ZNF33A: variants seen among roughly 807,000 people sequenced by gnomAD.
The protein encoded by ZNF33A is brain my041 protein.
ZNF33A carries 9 observed loss-of-function variants against 15.9 expected under a neutral mutation model. The observed-to-expected ratio is 0.57, with a 90% CI of 0.34 to 0.99. ZNF33A has a LOEUF of 0.99. Among genes scored for constraint, ZNF33A ranks in the 50% least tolerant of loss-of-function variants. The pLI, the probability that ZNF33A is intolerant of heterozygous loss-of-function variation, is 0.02. For missense variants in ZNF33A, 843 were observed against 941.6 expected (o/e 0.90, Z 1.37); for synonymous variants, 294 against 324.2 (o/e 0.91, Z 1.00).
intron 4 of ZNF33A, among the ~76,000 whole-genome samples, chr10:38,034,850 G>A (rs530275715): frequency 6.6e-6 from 1 of 152,258 alleles, no homozygotes; most frequent in East Asian, 1.9e-4. Context: ...AGGGGCTAAT[G>A]GTGTGCTTGC....
chr10:38,016,461 A>G (rs953189646), intron 2 of ZNF33A, among the ~76,000 whole-genome samples: 1 of 152,186 alleles, frequency 6.6e-6, no homozygotes, highest in Non-Finnish European at 1.5e-5. Flanking sequence ...CTTATGAAGA[A>G]CGTAATAGAG....
intron 4 of ZNF33A, among the ~76,000 whole-genome samples, chr10:38,034,716 ACTTT>A (rs1277142291): frequency 2.0e-5 from 3 of 152,166 alleles, no homozygotes; most frequent in Admixed American, 6.6e-5. Context: ...TTTTTAGAGC[ACTTT>A]CTTTCTGTCA....
intron 4 of ZNF33A, among the ~76,000 whole-genome samples, chr10:38,047,485 T>C (rs991962786): frequency 2.5e-4 from 38 of 150,676 alleles, no homozygotes; most frequent in African/African-American, 9.2e-4. Context: ...AAATTAGCTG[T>C]GCGTGGTGGC....
chr10:38,017,541 A>T, intron 4 of ZNF33A, 155 bp downstream of exon 4: 1 of 521,730 alleles, frequency 1.9e-6, no homozygotes, highest in Non-Finnish European at 3.4e-6. Flanking sequence ...CCTAAATCAA[A>T]CTTCCAGATA....
chr10:38,043,304 A>G (rs957608573), intron 4 of ZNF33A, among the ~76,000 whole-genome samples: 7 of 144,474 alleles, frequency 4.8e-5, no homozygotes, highest in African/African-American at 1.8e-4. Context: ...CAATAAGAAC[A>G]CATGGACACA....
In ZNF33A at chr10:38,022,370, A is replaced by C. The variant is rs117633827; in HGVS notation, c.250+4984A>C. Among the ~76,000 whole-genome samples the C allele has an allele frequency of 6.4e-3, 967 of 152,242 alleles. 61 individuals carry two copies. The East Asian group carries it at 0.13, about 20-fold the overall frequency. ...CAACTTTATGTTTATAAATATGACA[A>C]CATAGGCCAGGTGTGGTGGCTCATG... On this transcript the variant is annotated intron_variant, in intron 4 of 4. Transcript: ENST00000432900.
intron 4 of ZNF33A, among the ~76,000 whole-genome samples, chr10:38,025,941 C>A (rs908179225): frequency 2.4e-4 from 36 of 152,276 alleles, no homozygotes; most frequent in African/African-American, 8.4e-4. Context: ...ATTCCCCCCT[C>A]CTGCCAGCCT....
rs2066399664 is a variant in ZNF33A at position 38,055,029 on chromosome 10, A to T, written c.905A>T (p.Asp302Val). Residue 302 changes from aspartate to valine, a missense_variant, in exon 5 of 5, where the codon GAT becomes GTT. Physicochemically the swap from Asp to Val is radical, Grantham distance 152. Transcript: ENST00000432900. The stretch of plus-strand genomic sequence containing the variant: ...CATGGGGTATCTATGAAACACTATG[A>T]TTGTGGTGAAAGTGGGAATAATTTC... ...KPHGVSMKHYDCGESGNNFRR... is the reference protein window; with the variant it reads ...KPHGVSMKHYVCGESGNNFRR... 1 of 1,614,002 alleles carries T rather than the reference A, an allele frequency of 6.2e-7. No individual in the cohort carries two copies. The highest frequency in any genetic ancestry group is 1.1e-5 in the South Asian group (1 of 91,086).
chr10:38,012,086 G>T (rs1046539457), intron 1 of ZNF33A, among the ~76,000 whole-genome samples: 4 of 152,128 alleles, frequency 2.6e-5, no homozygotes, highest in African/African-American at 9.7e-5. Flanking sequence ...ACATAATTAT[G>T]TTGGAGTTAT....
At chr10:38,015,383 G>A (rs2064402880) in intron 2 of ZNF33A, among the ~76,000 whole-genome samples, 1 of 152,004 alleles carries the variant, frequency 6.6e-6, no homozygotes, top group Non-Finnish European at 1.5e-5. Flanking sequence ...TTGGCTCACT[G>A]CAACGTCTGC....
In ZNF33A at chr10:38,033,245, A is replaced by G. The variant is rs531755299; in HGVS notation, c.250+15859A>G. 2.5e-3 allele frequency among the ~76,000 whole-genome samples: 379 copies of G among 152,310 alleles called. 2 individuals are homozygous for G. Among genetic ancestry groups the G allele is most frequent in the African/African-American group, 7.8e-3 (326 of 41,568 alleles). On this transcript the variant is annotated intron_variant, in intron 4 of 4. Transcript: ENST00000432900. ...CTGCCTGGCTTCTTTTTCTTAGCAT[A>G]ACATATTCAAGGTTCATCCATGTTG...
At chr10:38,046,850 C>G (rs1198084490) in intron 4 of ZNF33A, among the ~76,000 whole-genome samples, 1 of 151,976 alleles carries the variant, frequency 6.6e-6, no homozygotes, top group Non-Finnish European at 1.5e-5. Flanking sequence ...AATCAGATTT[C>G]TAGAAATGAA....
chr10:38,035,177 G>A (rs2065392708), intron 4 of ZNF33A, among the ~76,000 whole-genome samples: 1 of 141,880 alleles, frequency 7.0e-6, no homozygotes, highest in Non-Finnish European at 1.5e-5. Flanking sequence ...GAGGGCAGTG[G>A]TGTGATCTCA....
intron 4 of ZNF33A, 60 bp downstream of exon 4, chr10:38,017,446 A>C: frequency 7.1e-7 from 1 of 1,409,560 alleles, no homozygotes; most frequent in African/African-American, 1.4e-5. Flanking sequence ...CCAGTAGTTA[A>C]TTCAGGGTTT....
At chr10:38,052,067 A>T (rs1222912717) in intron 4 of ZNF33A, among the ~76,000 whole-genome samples, 3 of 152,174 alleles carry the variant, frequency 2.0e-5, no homozygotes, top group Non-Finnish European at 4.4e-5. Flanking sequence ...AATATCAGGA[A>T]CATGACAAGG....
In ZNF33A at chr10:38,055,027, T is replaced by A. The variant is rs989343460; in HGVS notation, c.903T>A (p.Tyr301Ter). ...CTCATGGGGTATCTATGAAACACTA[T>A]GATTGTGGTGAAAGTGGGAATAATT... is the stretch of plus-strand genomic sequence containing the variant. ...SKPHGVSMKH[Y>*]DCGESGNNFR... Residue 301 changes from tyrosine to a stop codon, truncating the protein, a stop_gained, in exon 5 of 5, where the codon TAT becomes TAA. Coordinates refer to ENST00000432900, the MANE Select transcript of ZNF33A (RefSeq NM_006954.2). LOFTEE classifies it low-confidence loss of function (END_TRUNC). 1 of 1,613,964 alleles carries A rather than the reference T, an allele frequency of 6.2e-7. No homozygotes were observed. Among genetic ancestry groups the A allele is most frequent in the African/African-American group, 1.3e-5 (1 of 74,900 alleles).
chr10:38,043,649 C>T (rs2065815261), intron 4 of ZNF33A, among the ~76,000 whole-genome samples: 1 of 151,992 alleles, frequency 6.6e-6, no homozygotes, highest in South Asian at 2.1e-4. Context: ...GAAATAATTT[C>T]CTGTATGAAT....
chr10:38,040,629 T>C (rs1297238864), intron 4 of ZNF33A, among the ~76,000 whole-genome samples: 1 of 152,204 alleles, frequency 6.6e-6, no homozygotes, highest in African/African-American at 2.4e-5. Context: ...TCCAGCCTTA[T>C]AGGTGCCATG....
At chr10:38,053,579 C>G (rs1230649225) in intron 4 of ZNF33A, among the ~76,000 whole-genome samples, 1 of 152,180 alleles carries the variant, frequency 6.6e-6, no homozygotes, top group Non-Finnish European at 1.5e-5. Flanking sequence ...TAGTCCATAA[C>G]AGATTCCTTA....
Sources: allele counts gnomAD v4.1 joint callset (sites outside exome capture counted in the v4.1 genomes callset), GRCh38; gene constraint gnomAD v4.1.1; transcripts MANE v1.5; gene names NCBI Gene and HGNC (gene_info 2026-07-23, HGNC 2026-07-21).